The following SLC25A13 variants were observed in gnomAD, a reference collection of about 807,000 sequenced individuals.
The protein encoded by SLC25A13 is electrogenic aspartate/glutamate antiporter SLC25A13, mitochondrial.
A neutral mutation model predicts 85.5 loss-of-function variants in SLC25A13; 70 were observed. The ratio of observed to expected loss-of-function variants is 0.82; its 90% confidence interval spans 0.68 to 1.00. The LOEUF is 1.00. Ranked by LOEUF, SLC25A13 falls within the 50% of genes least tolerant of loss-of-function variation. The pLI is 0.00. For synonymous variants in SLC25A13, 259 were observed against 288.7 expected, an observed-to-expected ratio of 0.90 and a Z score of 1.04; for missense variants, 765 against 819.8, an observed-to-expected ratio of 0.93 and a Z score of 0.82.
intron 3 of SLC25A13, among the ~76,000 whole-genome samples, chr7:96,273,215 G>A (rs370779043): frequency 2.6e-5 from 4 of 152,016 alleles, no homozygotes; most frequent in African/African-American, 7.3e-5. Flanking sequence ...CAAATAACTC[G>A]CCTGGATTTC....
chr7:96,280,061 T>A (rs1051094575), intron 2 of SLC25A13, among the ~76,000 whole-genome samples: 1 of 152,122 alleles, frequency 6.6e-6, no homozygotes, highest in Non-Finnish European at 1.5e-5. Context: ...AATGCTGGGA[T>A]CGAATGACAG....
intron 2 of SLC25A13, among the ~76,000 whole-genome samples, chr7:96,288,431 T>C (rs1798976679): frequency 2.0e-5 from 3 of 151,964 alleles, no homozygotes; most frequent in African/African-American, 2.4e-5. Flanking sequence ...GGCAGGACAG[T>C]GGGTGCAGCC....
chr7:96,193,219 T>G, intron 5 of SLC25A13, 36 bp from the exon 6 acceptor site: 1 of 1,608,176 alleles, frequency 6.2e-7, no homozygotes, highest in South Asian at 1.1e-5. Context: ...TAATTTATGC[T>G]TCTCATTTAA....
intron 3 of SLC25A13, among the ~76,000 whole-genome samples, chr7:96,269,589 T>C (rs890682465): frequency 1.3e-5 from 2 of 152,230 alleles, no homozygotes; most frequent in Non-Finnish European, 2.9e-5. Flanking sequence ...ATGAGTGTAT[T>C]CATTTCCTGG....
At chr7:96,310,349 C>T (rs761506860) in intron 1 of SLC25A13, among the ~76,000 whole-genome samples, 1 of 152,188 alleles carries the variant, frequency 6.6e-6, no homozygotes, top group Non-Finnish European at 1.5e-5. Context: ...GCATGTCCTA[C>T]TTTCTGGATT....
chr7:96,163,057 C>T (rs1450624809), intron 13 of SLC25A13, among the ~76,000 whole-genome samples: 1 of 152,206 alleles, frequency 6.6e-6, no homozygotes, highest in Non-Finnish European at 1.5e-5. Flanking sequence ...CAGCCCACAA[C>T]ACAGCTTACT....
chr7:96,310,917 A>C (rs1333496565), intron 1 of SLC25A13, among the ~76,000 whole-genome samples: 1 of 152,196 alleles, frequency 6.6e-6, no homozygotes, highest in East Asian at 1.9e-4. Flanking sequence ...ACCATTTTTA[A>C]GTATACAATT....
At chr7:96,245,874 A>G (rs1797170435) in intron 3 of SLC25A13, among the ~76,000 whole-genome samples, 1 of 152,224 alleles carries the variant, frequency 6.6e-6, no homozygotes, top group Non-Finnish European at 1.5e-5. Flanking sequence ...AGATTTAAAA[A>G]CCTAGGTTTC....
At position 96,184,278 on chromosome 7, in the gene SLC25A13, T is replaced by A. The variant is rs1794535743; in HGVS notation, c.1176A>T (p.Arg392Ser). The change falls in exon 11 of 18, where the codon AGA becomes AGT. Residue 392 changes from arginine to serine, a missense_variant and splice_region_variant. Transcript: ENST00000265631. Reference protein sequence around the residue: ...LRYEGFFGLYRGLLPQLLGVA... With the variant: ...LRYEGFFGLYSGLLPQLLGVA... ...AGGTATTGAGCATGTGGCACTAACCTCTATACAGTCCAAAGAAGCCTTCAT... is the reference window on the plus strand; with the variant it reads ...AGGTATTGAGCATGTGGCACTAACCACTATACAGTCCAAAGAAGCCTTCAT... The A allele has an allele frequency of 1.2e-6, 2 of 1,614,032 alleles. No individual in the cohort carries two copies. Among genetic ancestry groups the A allele is most frequent in the African/African-American group, 2.7e-5 (2 of 74,928 alleles).
chr7:96,170,264 T>C (rs1261257459), intron 12 of SLC25A13, 139 bp from the exon 13 acceptor site: 3 of 767,260 alleles, frequency 3.9e-6, no homozygotes, highest in Non-Finnish European at 6.7e-6. Context: ...ATTTAACAGA[T>C]CTTAAAATAG....
At chr7:96,232,664 A>C (rs866312530) in intron 4 of SLC25A13, among the ~76,000 whole-genome samples, 1,519 of 131,376 alleles carry the variant, frequency 0.012, 20 homozygotes, top group African/African-American at 0.04. Flanking sequence ...AAAAAAAAAA[A>C]ACAGAAAATC....
intron 3 of SLC25A13, among the ~76,000 whole-genome samples, chr7:96,263,011 G>A (rs1797913361): frequency 7.7e-6 from 1 of 130,214 alleles, no homozygotes. Context: ...TTCATCCTTT[G>A]GTCCAACCAT....
rs1324555177 is a variant in SLC25A13, at chr7:96,120,928, T to G, written c.*263A>C. ...GACTTGCTCCTTTCCCCAAATCATG[T>G]TAGTGTTGACCAAATCCCATCAATT... On this transcript the variant is annotated 3_prime_UTR_variant, in exon 18 of 18. Coordinates refer to ENST00000265631, the MANE Select transcript of SLC25A13 (RefSeq NM_014251.3). The G allele has an allele frequency of 1.7e-6, 1 of 582,674 alleles. No individual in the cohort carries two copies. The highest frequency in any genetic ancestry group is 3.8e-5 in the East Asian group (1 of 26,056). The allele number at this position is 582,674 out of a possible 1,614,324, so 36.1% of individuals were successfully genotyped here.
In SLC25A13 at chr7:96,216,546, C is replaced by T. The variant is rs1304655309; in HGVS notation, c.329-7569G>A. ...GGATAAAAAAAATGTGGTATATATACACCATGGAGTACTATGCAGCCATAA... is the reference window on the plus strand; with the variant it reads ...GGATAAAAAAAATGTGGTATATATATACCATGGAGTACTATGCAGCCATAA... On this transcript the variant is annotated intron_variant, in intron 4 of 17. Coordinates refer to ENST00000265631, the MANE Select transcript of SLC25A13 (RefSeq NM_014251.3). 4.6e-5 allele frequency among the ~76,000 whole-genome samples: 7 copies of T among 152,172 alleles called. No homozygotes were observed. In the East Asian group the frequency reaches 9.6e-4, roughly 21 times the overall value.
At chr7:96,218,465 T>C (rs983249698) in intron 4 of SLC25A13, among the ~76,000 whole-genome samples, 2 of 152,212 alleles carry the variant, frequency 1.3e-5, no homozygotes, top group Admixed American at 1.3e-4. Context: ...ACAAATTCTA[T>C]GGACTCTTAT....
Position 96,121,528 on chromosome 7 carries a change from C to T in SLC25A13, c.1841+127G>A, listed in dbSNP as rs928291694. On this transcript the variant is annotated intron_variant, in intron 17 of 17. Transcript: ENST00000265631. ...TTCCCCTTGGAAATGACCTTGTTAACACAATTTCAACATTTCCCTAAATCT... is the reference window on the plus strand; with the variant it reads ...TTCCCCTTGGAAATGACCTTGTTAATACAATTTCAACATTTCCCTAAATCT... The T allele has an allele frequency of 1.9e-5, 27 of 1,385,882 alleles. 1 individual carries two copies. In the Admixed American group the frequency reaches 4.4e-4, roughly 22 times the overall value. 85.8% of individuals were successfully genotyped at this position (1,385,882 alleles called of 1,614,324 possible). A position where few individuals can be genotyped will look rare whatever the true frequency, so the allele number is the denominator to read the frequency against.
chr7:96,121,099 G>T lies in SLC25A13; in HGVS notation c.*92C>A. On this transcript the variant is annotated 3_prime_UTR_variant, in exon 18 of 18. Coordinates refer to ENST00000265631, the MANE Select transcript of SLC25A13 (RefSeq NM_014251.3). ...ACTTGAATTTAAACAAGAGATGGAC[G>T]TAAAAGGGATGAAGCATTGCTTCAT... 3 of 1,370,234 alleles carry T rather than the reference G, an allele frequency of 2.2e-6. No homozygotes were observed. Among genetic ancestry groups the T allele is most frequent in the Non-Finnish European group, 3.1e-6 (3 of 961,234 alleles). The allele number at this position is 1,370,234 out of a possible 1,614,324, so 84.9% of individuals were successfully genotyped here.
chr7:96,286,156 C>T (rs1009600962), intron 2 of SLC25A13, among the ~76,000 whole-genome samples: 8 of 151,750 alleles, frequency 5.3e-5, no homozygotes, highest in African/African-American at 1.5e-4. Flanking sequence ...TGGTGGCAGG[C>T]GCCTGTAGTC....
chr7:96,260,574 T>C (rs1385696309), intron 3 of SLC25A13, among the ~76,000 whole-genome samples: 1 of 152,140 alleles, frequency 6.6e-6, no homozygotes, highest in South Asian at 2.1e-4. Flanking sequence ...TCTCACAGCC[T>C]GCCTCTCTAA....
Sources: allele counts gnomAD v4.1 joint callset (sites outside exome capture counted in the v4.1 genomes callset), GRCh38; gene constraint gnomAD v4.1.1; transcripts MANE v1.5; gene names NCBI Gene and HGNC (gene_info 2026-07-23, HGNC 2026-07-21).